Variants in SPPL3 observed in about 807,000 individuals in gnomAD.
The protein encoded by SPPL3 is signal peptide peptidase like 3, also known as signal peptide peptidase-like 3.
SPPL3 carries 5 observed loss-of-function variants against 42.4 expected under a neutral mutation model. The observed-to-expected ratio is 0.12, with a 90% CI of 0.06 to 0.25. The LOEUF is 0.25. Ranked by LOEUF, SPPL3 falls within the 10% of genes least tolerant of loss-of-function variation. SPPL3 has a pLI of 1.00. For missense variants in SPPL3, 235 were observed against 489.0 expected, an observed-to-expected ratio of 0.48 and a Z score of 4.90; for synonymous variants, 195 against 181.8, an observed-to-expected ratio of 1.07 and a Z score of -0.58.
intron 1 of SPPL3, among the ~76,000 whole-genome samples, chr12:120,846,708 T>TA (rs142618908): frequency 0.02 from 2,994 of 151,356 alleles, 95 homozygotes; most frequent in African/African-American, 0.067. Context: ...TTTTTTAAAA[T>TA]AAAAAAAAAT....
At chr12:120,784,304 C>A in intron 4 of SPPL3, 170 bp downstream of exon 4, 1 of 562,560 alleles carries the variant, frequency 1.8e-6, no homozygotes, top group Non-Finnish European at 3.1e-6. Flanking sequence ...TCAAGAGGTT[C>A]AAGGAGGAGT....
At chr12:120,844,497 T>G (rs1041102010) in intron 1 of SPPL3, among the ~76,000 whole-genome samples, 1 of 152,112 alleles carries the variant, frequency 6.6e-6, no homozygotes, top group African/African-American at 2.4e-5. Flanking sequence ...CTATCTGATC[T>G]CAATCTTACC....
chr12:120,766,215 G>A (rs1317795328), intron 10 of SPPL3, 48 bp downstream of exon 10: 1 of 1,483,604 alleles, frequency 6.7e-7, no homozygotes, highest in South Asian at 1.3e-5. Context: ...CCGAGGCACA[G>A]GCCAATCCAA....
At chr12:120,877,132 C>G (rs1044166939) in intron 1 of SPPL3, among the ~76,000 whole-genome samples, 5 of 151,940 alleles carry the variant, frequency 3.3e-5, no homozygotes, top group Non-Finnish European at 7.4e-5. Flanking sequence ...GACAAACTAC[C>G]AATTTCAACA....
At chr12:120,849,044 T>C (rs1872138588) in intron 1 of SPPL3, among the ~76,000 whole-genome samples, 1 of 152,058 alleles carries the variant, frequency 6.6e-6, no homozygotes, top group African/African-American at 2.4e-5. Flanking sequence ...CATGTCTATA[T>C]TCTTAGACAT....
intron 1 of SPPL3, among the ~76,000 whole-genome samples, chr12:120,840,795 A>G (rs1871797768): frequency 6.6e-6 from 1 of 151,710 alleles, no homozygotes; most frequent in Non-Finnish European, 1.5e-5. Context: ...TTGTGCCATT[A>G]CACACCCCAG....
At position 120,904,172 on chromosome 12, in the gene SPPL3, A is replaced by G; in HGVS notation, c.-305T>C. ...TGGCGGCGGCGGCGGCGCGGAGAAC[A>G]AGGGGGCCCTGGGGCGGGCGAACGG... On this transcript the variant is annotated 5_prime_UTR_variant, in exon 1 of 11. Transcript: ENST00000353487. 1 of 266,782 alleles carries G rather than the reference A, an allele frequency of 3.7e-6. No individual in the cohort carries two copies. The highest frequency in any genetic ancestry group is 6.9e-6 in the Non-Finnish European group (1 of 145,050). The allele number at this position is 266,782 out of a possible 1,614,324, so 16.5% of individuals were successfully genotyped here. A position where few individuals can be genotyped will look rare whatever the true frequency, so the allele number is the denominator to read the frequency against.
intron 8 of SPPL3, among the ~76,000 whole-genome samples, chr12:120,767,797 C>A (rs1432108975): frequency 6.6e-6 from 1 of 152,164 alleles, no homozygotes; most frequent in African/African-American, 2.4e-5. Context: ...CACCTTGGCC[C>A]CCCTGTTTCA....
At chr12:120,898,956 G>GTT (rs753807585) in intron 1 of SPPL3, among the ~76,000 whole-genome samples, 1 of 152,192 alleles carries the variant, frequency 6.6e-6, no homozygotes, top group Non-Finnish European at 1.5e-5. Context: ...TTCAATACCA[G>GTT]TTATATATAA....
chr12:120,784,630 T>A, intron 3 of SPPL3, 37 bp from the exon 4 acceptor site: 2 of 1,561,588 alleles, frequency 1.3e-6, no homozygotes, highest in Non-Finnish European at 1.7e-6. Context: ...TAACTTATTA[T>A]GCACCAGGCA....
At chr12:120,862,847 T>C (rs1872650387) in intron 1 of SPPL3, among the ~76,000 whole-genome samples, 1 of 152,120 alleles carries the variant, frequency 6.6e-6, no homozygotes, top group Non-Finnish European at 1.5e-5. Context: ...CAACCCTCTA[T>C]TGGTTCTTCT....
At chr12:120,884,047 G>C (rs1225264925) in intron 1 of SPPL3, among the ~76,000 whole-genome samples, 1 of 150,496 alleles carries the variant, frequency 6.6e-6, no homozygotes, top group Non-Finnish European at 1.5e-5. Context: ...GTTGTGGTGA[G>C]CTGAGATCAC....
intron 2 of SPPL3, among the ~76,000 whole-genome samples, chr12:120,794,597 T>G (rs2203474): frequency 0.084 from 12,782 of 151,996 alleles, 834 homozygotes; most frequent in Admixed American, 0.22. Flanking sequence ...GGGGTTTCAC[T>G]ATGTTGGCCA....
chr12:120,777,847 ACCAAAC>A (rs1869381490), intron 6 of SPPL3, among the ~76,000 whole-genome samples: 1 of 152,166 alleles, frequency 6.6e-6, no homozygotes, highest in Non-Finnish European at 1.5e-5. Flanking sequence ...TAAACAAATG[ACCAAAC>A]CTGTCAGAAT....
At position 120,768,995 on chromosome 12, in the gene SPPL3, G is replaced by A; in HGVS notation, c.567C>T (p.Ser189=). The A allele has an allele frequency of 6.2e-7, 1 of 1,612,838 alleles. No individual in the cohort carries two copies. The change falls in exon 7 of 11, where the codon TCC becomes TCT. Residue 189 remains serine, a synonymous_variant. Transcript: ENST00000353487. The part of the protein sequence containing the change: ...AFVRLPSLKV[S]CLLLSGLLIY... ...TGAGAAGCCCTGAGAGAAGCAGGCA[G>A]GAGACCTTGAGGCTCGGCAGGCGGA...
intron 1 of SPPL3, among the ~76,000 whole-genome samples, chr12:120,890,361 G>T (rs971111032): frequency 3.3e-5 from 5 of 151,934 alleles, no homozygotes; most frequent in African/African-American, 9.7e-5. Flanking sequence ...AGGCTGAGGC[G>T]GGCAGATCAC....
At chr12:120,892,292 G>A (rs1873664715) in intron 1 of SPPL3, among the ~76,000 whole-genome samples, 1 of 152,114 alleles carries the variant, frequency 6.6e-6, no homozygotes, top group South Asian at 2.1e-4. Flanking sequence ...CGGGAAGATG[G>A]TCATATTAAA....
intron 1 of SPPL3, among the ~76,000 whole-genome samples, chr12:120,813,318 CTT>C (rs149707030): frequency 8.2e-5 from 11 of 134,220 alleles, no homozygotes; most frequent in Admixed American, 1.5e-4. Context: ...GGATCCTCAG[CTT>C]TTTTTTTTTT....
chr12:120,903,613 G>T (rs1874053492), intron 1 of SPPL3: 1 of 466,140 alleles, frequency 2.1e-6, no homozygotes, highest in Non-Finnish European at 3.8e-6. Flanking sequence ...GATGACATCC[G>T]CCGCTGCCTC....
Sources: gnomAD v4.1 joint callset for allele counts (sites outside exome capture counted in the v4.1 genomes callset) on GRCh38, gnomAD v4.1.1 for gene constraint, MANE v1.5 for transcripts, NCBI Gene and HGNC (gene_info 2026-07-23, HGNC 2026-07-21) for gene names.